Variants in BORCS5 observed in about 807,000 individuals in gnomAD.
The protein encoded by BORCS5 is BLOC-1 related complex subunit 5, also known as BLOC-1-related complex subunit 5.
A neutral mutation model predicts 22.1 loss-of-function variants in BORCS5; 17 were observed. The ratio of observed to expected loss-of-function variants is 0.77; its 90% CI spans 0.53 to 1.15. The LOEUF (loss-of-function observed/expected upper bound fraction) is 1.15, where lower values mean the gene tolerates loss of function less well. Ranked by LOEUF, BORCS5 falls within the 50% of genes most tolerant of loss-of-function variation. The pLI, the probability that BORCS5 is intolerant of heterozygous loss-of-function variation, is 0.00. For missense variants in BORCS5, 247 were observed against 253.2 expected, an observed-to-expected ratio of 0.98 and a Z score of 0.17; for synonymous variants, 117 against 99.8, an observed-to-expected ratio of 1.17 and a Z score of -1.03.
chr12:12,456,501 T>A (rs1943000617), intron 3 of BORCS5, among the ~76,000 whole-genome samples: 1 of 152,212 alleles, frequency 6.6e-6, no homozygotes, highest in Non-Finnish European at 1.5e-5. Context: ...AAAGCTTATT[T>A]TATGAGGAAA....
intron 1 of BORCS5, among the ~76,000 whole-genome samples, chr12:12,359,031 T>C (rs975549403): frequency 1.3e-5 from 2 of 152,182 alleles, no homozygotes; most frequent in African/African-American, 4.8e-5. Context: ...TTCTAGAGCA[T>C]AAAACACTTT....
intron 2 of BORCS5, among the ~76,000 whole-genome samples, chr12:12,390,180 A>G (rs1369556834): frequency 6.6e-6 from 1 of 151,996 alleles, no homozygotes; most frequent in Non-Finnish European, 1.5e-5. Flanking sequence ...TGTTCAGCAA[A>G]TATTTGAGGG....
At chr12:12,440,379 A>G (rs954951198) in intron 3 of BORCS5, among the ~76,000 whole-genome samples, 4 of 152,224 alleles carry the variant, frequency 2.6e-5, no homozygotes, top group African/African-American at 9.6e-5. Flanking sequence ...TTGAGCAGCT[A>G]TTGCAGACCC....
intron 2 of BORCS5, among the ~76,000 whole-genome samples, chr12:12,376,985 C>G (rs959379652): frequency 1.2e-4 from 19 of 152,152 alleles, no homozygotes; most frequent in Non-Finnish European, 8.8e-5. Context: ...TATACATGTT[C>G]TGTGACACGT....
At chr12:12,449,170 C>G (rs1329332465) in intron 3 of BORCS5, among the ~76,000 whole-genome samples, 2 of 152,164 alleles carry the variant, frequency 1.3e-5, no homozygotes, top group African/African-American at 4.8e-5. Flanking sequence ...GAGCTTCATC[C>G]TTCCCCACTG....
intron 2 of BORCS5, among the ~76,000 whole-genome samples, chr12:12,374,868 A>G (rs112810142): frequency 0.014 from 2,130 of 151,272 alleles, 52 homozygotes; most frequent in African/African-American, 0.047. Context: ...AGGTGGGACA[A>G]TCGTTTGAAT....
rs544609316 is a variant in BORCS5 at position 12,404,514 on chromosome 12, C to T, written c.203-31114C>T. On this transcript the variant is annotated intron_variant, in intron 2 of 3. Transcript: ENST00000314565. The stretch of plus-strand genomic sequence containing the variant: ...AATCCCATTTACCCAGAGAGGAGCC[C>T]TCATGGCCTAACCACCTCTTAAAAG... 1.1e-4 allele frequency among the ~76,000 whole-genome samples: 16 copies of T among 152,250 alleles called. No homozygotes were observed. In the South Asian group the frequency reaches 3.1e-3, roughly 30 times the overall value.
At chr12:12,363,494 G>C (rs999687497) in intron 2 of BORCS5, among the ~76,000 whole-genome samples, 4 of 152,138 alleles carry the variant, frequency 2.6e-5, no homozygotes, top group Non-Finnish European at 5.9e-5. Context: ...ACAGCACTTT[G>C]GGAGGCCAAG....
chr12:12,388,292 T>G (rs935259995), intron 2 of BORCS5, among the ~76,000 whole-genome samples: 1 of 151,202 alleles, frequency 6.6e-6, no homozygotes, highest in Non-Finnish European at 1.5e-5. Context: ...CCCAAACATA[T>G]GGTAGCAGTG....
At chr12:12,360,063 G>A (rs10772555) in intron 1 of BORCS5, among the ~76,000 whole-genome samples, 61,248 of 151,940 alleles carry the variant, frequency 0.4, 14,799 homozygotes, top group Middle Eastern at 0.62. Flanking sequence ...GTTCATTCAT[G>A]TTATATAATC....
intron 3 of BORCS5, among the ~76,000 whole-genome samples, chr12:12,437,720 T>TA (rs1389583163): frequency 1.3e-5 from 2 of 152,234 alleles, no homozygotes; most frequent in African/African-American, 4.8e-5. Flanking sequence ...GTAGTGATTT[T>TA]AGAACATTCT....
Position 12,417,601 on chromosome 12 carries a change from C to G in BORCS5, c.203-18027C>G, listed in dbSNP as rs976923173. Among the ~76,000 whole-genome samples the G allele has an allele frequency of 2.6e-5, 4 of 152,026 alleles. No individual in the cohort carries two copies. In the East Asian group the frequency reaches 7.7e-4, roughly 29 times the overall value. On this transcript the variant is annotated intron_variant, in intron 2 of 3. Coordinates refer to ENST00000314565, the MANE Select transcript of BORCS5 (RefSeq NM_058169.6). ...GAAGTATTTTTCCCTTCAATTTTGT[C>G]AGTGTTTGCTTGACAAATTTTGATG...
At position 12,466,593 on chromosome 12, in the gene BORCS5, G is replaced by A. The variant is rs1421654503; in HGVS notation, c.*817G>A. 1 of 152,234 alleles carries A rather than the reference G, an allele frequency of 6.6e-6. No homozygotes were observed. Among genetic ancestry groups the A allele is most frequent in the African/African-American group, 2.4e-5 (1 of 41,464 alleles). 9.4% of individuals were successfully genotyped at this position (152,234 alleles called of 1,614,324 possible). A position where few individuals can be genotyped will look rare whatever the true frequency, so the allele number is the denominator to read the frequency against. On this transcript the variant is annotated 3_prime_UTR_variant, in exon 4 of 4. Transcript: ENST00000314565. ...TGAAAAGAAAAAAGCTCAAAAAGCT[G>A]CTGAATTTCTCTGGGAGTTTAGGAA... is the stretch of plus-strand genomic sequence containing the variant.
At position 12,361,206 on chromosome 12, in the gene BORCS5, T is replaced by C; in HGVS notation, c.59T>C (p.Val20Ala). Residue 20 changes from valine (V) to alanine (A), a missense_variant and splice_region_variant, in exon 2 of 4, where the codon GTG becomes GCG. By Grantham distance (64) the Val-to-Ala change is moderately conservative. Coordinates refer to ENST00000314565, the MANE Select transcript of BORCS5 (RefSeq NM_058169.6). ...CTAAGCAGTGTAACTTTATTTTCAGTGACTCCTTCACCAGCCAAGCATAGA... is the reference window on the plus strand; with the variant it reads ...CTAAGCAGTGTAACTTTATTTTCAGCGACTCCTTCACCAGCCAAGCATAGA... ...ESRPNDLNSS[V>A]TPSPAKHRAK... The C allele has an allele frequency of 1.2e-6, 2 of 1,613,730 alleles. No homozygotes were observed. The highest frequency in any genetic ancestry group is 1.7e-6 in the Non-Finnish European group (2 of 1,179,658).
intron 2 of BORCS5, among the ~76,000 whole-genome samples, chr12:12,375,292 C>T (rs897659899): frequency 1.3e-5 from 2 of 152,200 alleles, no homozygotes; most frequent in African/African-American, 4.8e-5. Context: ...GGATTATAGG[C>T]GTGAGCCACT....
chr12:12,357,394 C>T lies in BORCS5; in HGVS notation c.-58C>T, dbSNP rs959144348. The T allele has an allele frequency of 6.3e-7, 1 of 1,582,342 alleles. No individual in the cohort carries two copies. Among genetic ancestry groups the T allele is most frequent in the Non-Finnish European group, 8.6e-7 (1 of 1,160,178 alleles). The stretch of plus-strand genomic sequence containing the variant: ...TCCCTGGCCCCTGCCCTGTCGCCCG[C>T]CGCCGGAGCGGTGACCGCCCGGCCC... On this transcript the variant is annotated 5_prime_UTR_variant, in exon 1 of 4. Coordinates refer to ENST00000314565, the MANE Select transcript of BORCS5 (RefSeq NM_058169.6).
intron 2 of BORCS5, among the ~76,000 whole-genome samples, chr12:12,433,528 G>T (rs188133469): frequency 6.6e-6 from 1 of 152,170 alleles, no homozygotes; most frequent in East Asian, 1.9e-4. Context: ...TTATATCTAT[G>T]TCAATATCCT....
chr12:12,459,327 A>G (rs1419459741), intron 3 of BORCS5, among the ~76,000 whole-genome samples: 1 of 147,754 alleles, frequency 6.8e-6, no homozygotes, highest in East Asian at 2.0e-4. Context: ...TTTTTTTTTT[A>G]AAGACAGGGT....
intron 2 of BORCS5, among the ~76,000 whole-genome samples, chr12:12,366,829 A>G (rs575235977): frequency 6.6e-6 from 1 of 152,364 alleles, no homozygotes; most frequent in Non-Finnish European, 1.5e-5. Context: ...GAATATGTGC[A>G]TATTTACACA....
Sources: gnomAD v4.1 joint callset for allele counts (sites outside exome capture counted in the v4.1 genomes callset) on GRCh38, gnomAD v4.1.1 for gene constraint, MANE v1.5 for transcripts, NCBI Gene and HGNC (gene_info 2026-07-23, HGNC 2026-07-21) for gene names.